Variants in PTPRT observed in about 807,000 individuals in gnomAD.
PTPRT encodes protein tyrosine phosphatase receptor type T.
In PTPRT, 56 loss-of-function variants were observed where a neutral mutation model predicts 176.8. The observed-to-expected ratio is 0.32, with a 90% CI of 0.26 to 0.40. PTPRT has a LOEUF of 0.40. PTPRT is among the 10% of genes least tolerant of loss of function. The pLI is 1.00. For synonymous variants in PTPRT, 783 were observed against 739.0 expected, an observed-to-expected ratio of 1.06 and a Z score of -0.96; for missense variants, 1,540 against 1,908.2, an observed-to-expected ratio of 0.81 and a Z score of 3.60.
At chr20:42,618,151 G>A (rs531603365) in intron 7 of PTPRT, among the ~76,000 whole-genome samples, 3 of 131,454 alleles carry the variant, frequency 2.3e-5, no homozygotes, top group South Asian at 2.3e-4. Context: ...CTTTGTTCTC[G>A]TTGGTTTCAA....
At chr20:43,110,068 A>C (rs907130199) in intron 1 of PTPRT, among the ~76,000 whole-genome samples, 1 of 152,120 alleles carries the variant, frequency 6.6e-6, no homozygotes. Context: ...TGTTTACTTG[A>C]CTCATGATTT....
intron 1 of PTPRT, among the ~76,000 whole-genome samples, chr20:43,101,774 G>A (rs980263367): frequency 6.6e-6 from 1 of 152,196 alleles, no homozygotes; most frequent in Non-Finnish European, 1.5e-5. Context: ...CTGGGAGACA[G>A]CCACCCACAG....
At chr20:42,306,436 C>G (rs1438203440) in intron 12 of PTPRT, among the ~76,000 whole-genome samples, 1 of 152,124 alleles carries the variant, frequency 6.6e-6, no homozygotes, top group Non-Finnish European at 1.5e-5. Flanking sequence ...AACCTAGGCT[C>G]TGGTGACAGA....
At chr20:42,513,843 G>GA (rs1476372172) in intron 7 of PTPRT, among the ~76,000 whole-genome samples, 1 of 152,116 alleles carries the variant, frequency 6.6e-6, no homozygotes, top group Non-Finnish European at 1.5e-5. Context: ...AACCTCCAAT[G>GA]AAAAATGAAC....
intron 1 of PTPRT, among the ~76,000 whole-genome samples, chr20:42,967,567 T>C (rs1237920416): frequency 6.6e-6 from 1 of 152,178 alleles, no homozygotes; most frequent in African/African-American, 2.4e-5. Context: ...GATTTCAGAC[T>C]GTGGACCCCA....
At chr20:42,552,541 T>C (rs1054814399) in intron 7 of PTPRT, among the ~76,000 whole-genome samples, 2 of 152,088 alleles carry the variant, frequency 1.3e-5, no homozygotes, top group Admixed American at 1.3e-4. Flanking sequence ...TATAAAATTT[T>C]TTGCACGAAA....
At chr20:42,507,015 T>A (rs377395775) in intron 7 of PTPRT, among the ~76,000 whole-genome samples, 1 of 152,108 alleles carries the variant, frequency 6.6e-6, no homozygotes, top group African/African-American at 2.4e-5. Context: ...CATTCAAATC[T>A]CAGCTCCCAG....
At chr20:42,608,299 C>T (rs1264734725) in intron 7 of PTPRT, among the ~76,000 whole-genome samples, 4 of 152,074 alleles carry the variant, frequency 2.6e-5, no homozygotes, top group Non-Finnish European at 4.4e-5. Flanking sequence ...TAAAGAGGAC[C>T]GTTGCCAGAA....
chr20:42,051,039 A>G, the PTPRT span, among the ~76,000 whole-genome samples: 1 of 152,252 alleles, frequency 6.6e-6, no homozygotes, highest in East Asian at 1.9e-4. Flanking sequence ...CTGTAAATGT[A>G]TTACCCAGGA....
At position 42,633,926 on chromosome 20, in the gene PTPRT, T is replaced by A. The variant is rs1190124896; in HGVS notation, c.1153+43940A>T. Among the ~76,000 whole-genome samples the A allele has an allele frequency of 5.5e-5, 3 of 54,920 alleles. No individual in the cohort carries two copies. The South Asian group carries it at 1.4e-3, about 26-fold the overall frequency. The allele number at this position is 54,920 out of a possible 152,430, so 36.0% of individuals were successfully genotyped here. On this transcript the variant is annotated intron_variant, in intron 7 of 30. Transcript: ENST00000373187. ...ATATAATATATAATTATATATAATA[T>A]ATTATAATAATATAATATAATATAT...
chr20:42,737,740 T>C (rs955020590), intron 6 of PTPRT, among the ~76,000 whole-genome samples: 1 of 152,136 alleles, frequency 6.6e-6, no homozygotes, highest in East Asian at 1.9e-4. Flanking sequence ...TAAGAGAATA[T>C]ACTGTTGTCT....
rs557192586 is a variant in PTPRT at position 42,217,778 on chromosome 20, G to A, written c.2343-18390C>T. 2.1e-3 allele frequency among the ~76,000 whole-genome samples: 314 copies of A among 152,284 alleles called. 15 individuals carry two copies. The South Asian group carries it at 0.063, about 31-fold the overall frequency. On this transcript the variant is annotated intron_variant, in intron 15 of 30. Transcript: ENST00000373187. Reference sequence around the variant, plus strand: ...GTCAATAAAAATGTCTCTAGACATTGCAAAATGGTTTTCTTTTTGGGTAGG... The same window carrying A: ...GTCAATAAAAATGTCTCTAGACATTACAAAATGGTTTTCTTTTTGGGTAGG...
At chr20:43,067,368 G>A (rs781123642) in intron 1 of PTPRT, among the ~76,000 whole-genome samples, 1 of 152,100 alleles carries the variant, frequency 6.6e-6, no homozygotes, top group Non-Finnish European at 1.5e-5. Context: ...TTCCTTTTAG[G>A]GTAATAAAAG....
At chr20:42,869,287 T>C (rs918339057) in intron 2 of PTPRT, among the ~76,000 whole-genome samples, 1 of 152,064 alleles carries the variant, frequency 6.6e-6, no homozygotes, top group African/African-American at 2.4e-5. Flanking sequence ...AACACAAGCC[T>C]GGGAGAGAGA....
intron 7 of PTPRT, among the ~76,000 whole-genome samples, chr20:42,558,951 C>T (rs1407002998): frequency 6.6e-6 from 1 of 152,134 alleles, no homozygotes; most frequent in Admixed American, 6.5e-5. Context: ...AAGATGGAAG[C>T]TTTCATGTGT....
intron 1 of PTPRT, among the ~76,000 whole-genome samples, chr20:42,970,078 TG>T (rs1707712874): frequency 6.6e-6 from 1 of 152,168 alleles, no homozygotes; most frequent in South Asian, 2.1e-4. Flanking sequence ...CAGTGGGCTT[TG>T]CTACCTTTGA....
intron 7 of PTPRT, among the ~76,000 whole-genome samples, chr20:42,594,939 GT>G (rs1787321047): frequency 6.6e-6 from 1 of 152,156 alleles, no homozygotes; most frequent in African/African-American, 2.4e-5. Flanking sequence ...GTTTATAAAT[GT>G]TAGATCTCAG....
chr20:42,749,518 C>T (rs1162192254), intron 6 of PTPRT, among the ~76,000 whole-genome samples: 1 of 152,226 alleles, frequency 6.6e-6, no homozygotes, highest in African/African-American at 2.4e-5. Flanking sequence ...CAAGGCAAGG[C>T]AAGCCTAGCT....
chr20:42,693,128 A>C (rs2146126477), intron 6 of PTPRT, among the ~76,000 whole-genome samples: 1 of 152,312 alleles, frequency 6.6e-6, no homozygotes, highest in South Asian at 2.1e-4. Context: ...ATATCTGGGG[A>C]TGTATATATA....
Sources: allele counts gnomAD v4.1 joint callset (sites outside exome capture counted in the v4.1 genomes callset), GRCh38; gene constraint gnomAD v4.1.1; transcripts MANE v1.5; gene names NCBI Gene and HGNC (gene_info 2026-07-23, HGNC 2026-07-21).